TDRD9: variants seen among roughly 807,000 people sequenced by gnomAD.
TDRD9 encodes the protein ATP-dependent RNA helicase TDRD9.
Under a neutral mutation model 172.6 loss-of-function variants are expected in TDRD9, and 124 were observed. The observed-to-expected ratio is 0.72, with a 90% CI of 0.62 to 0.83. The LOEUF (loss-of-function observed/expected upper bound fraction) is 0.83. Ranked by LOEUF, TDRD9 falls within the 40% of genes least tolerant of loss-of-function variation. The pLI is 0.00. For missense variants in TDRD9, 1,479 were observed against 1,714.1 expected (o/e 0.86, Z 2.42); for synonymous variants, 619 against 617.1 (o/e 1.00, Z -0.05).
intron 1 of TDRD9, among the ~76,000 whole-genome samples, chr14:103,929,530 C>A (rs145243984): frequency 6.6e-6 from 1 of 151,882 alleles, no homozygotes; most frequent in Admixed American, 6.6e-5. Context: ...GTTCTCCCCC[C>A]ACCCCCCGAG....
intron 28 of TDRD9, 107 bp downstream of exon 28, chr14:104,027,046 CTTCACCA>C (rs59921205): frequency 0.013 from 16,636 of 1,259,034 alleles, 155 homozygotes; most frequent in Non-Finnish European, 0.015. Flanking sequence ...CAGTGTTCCT[CTTCACCA>C]TTTGGTTTGC....
chr14:104,015,023 T>C (rs2034744027), intron 21 of TDRD9, among the ~76,000 whole-genome samples, 182 bp downstream of exon 21: 1 of 152,250 alleles, frequency 6.6e-6, no homozygotes, highest in Admixed American at 6.5e-5. Flanking sequence ...GTTTGCATTA[T>C]TTGTTGAGTT....
intron 2 of TDRD9, among the ~76,000 whole-genome samples, chr14:103,957,536 T>C: frequency 6.6e-6 from 1 of 152,250 alleles, no homozygotes; most frequent in East Asian, 1.9e-4. Flanking sequence ...GAATTGTTAC[T>C]TAATCTATGG....
intron 1 of TDRD9, among the ~76,000 whole-genome samples, chr14:103,934,803 G>C (rs910346605): frequency 6.6e-6 from 1 of 152,200 alleles, no homozygotes; most frequent in African/African-American, 2.4e-5. Flanking sequence ...ACAGGAGCAG[G>C]GTGGTCAGGG....
rs1173008862 is a variant in TDRD9 at position 103,956,111 on chromosome 14, A to AATATATATATATATATAT, written c.322+363_322+380dup. 9.3e-4 allele frequency among the ~76,000 whole-genome samples: 17 copies of AATATATATATATATATAT among 18,356 alleles called. 1 individual carries two copies. The highest frequency in any genetic ancestry group is 3.8e-3 in the African/African-American group (14 of 3,658). 12.0% of individuals were successfully genotyped at this position (18,356 alleles called of 152,430 possible). ...AAAAAAAAAAAAAAAAAAAAAAAAA[A>AATATATATATATATATAT]ATATATATATATATATATATATATA... On this transcript the variant is annotated intron_variant, in intron 2 of 35. Coordinates refer to ENST00000409874, the MANE Select transcript of TDRD9 (RefSeq NM_153046.3).
intron 14 of TDRD9, 139 bp downstream of exon 14, chr14:104,004,474 G>C (rs1479264245): frequency 4.2e-6 from 2 of 477,252 alleles, no homozygotes; most frequent in Admixed American, 2.7e-5. Flanking sequence ...TGCCTCCCGG[G>C]TTTACGCGAT....
At chr14:104,036,105 T>C (rs1239823345) in intron 32 of TDRD9, among the ~76,000 whole-genome samples, 1 of 152,170 alleles carries the variant, frequency 6.6e-6, no homozygotes, top group East Asian at 1.9e-4. Flanking sequence ...AGTATACTTA[T>C]TTTAAATTTG....
intron 1 of TDRD9, chr14:103,939,741 G>GTGTTTTTTTTTTTTT (rs2031077730): frequency 2.2e-4 from 1 of 4,642 alleles, no homozygotes; most frequent in Non-Finnish European, 9.5e-4. Context: ...TTGAAAAAAA[G>GTGTTTTTTTTTTTTT]TGTTTTTTTT....
At chr14:103,967,370 A>AG (rs2032797570) in intron 5 of TDRD9, among the ~76,000 whole-genome samples, 1 of 149,842 alleles carries the variant, frequency 6.7e-6, no homozygotes, top group Non-Finnish European at 1.5e-5. Flanking sequence ...AAAAAAAAAA[A>AG]AAAGATTAGC....
intron 1 of TDRD9, among the ~76,000 whole-genome samples, chr14:103,935,678 C>G (rs1201536687): frequency 1.3e-5 from 2 of 152,002 alleles, no homozygotes; most frequent in Non-Finnish European, 2.9e-5. Context: ...AAGGGCCCAC[C>G]TGGGGTGCTT....
chr14:104,025,443 G>A (rs951885246), intron 25 of TDRD9, 121 bp from the exon 26 acceptor site: 6 of 724,960 alleles, frequency 8.3e-6, no homozygotes, highest in Admixed American at 2.8e-5. Context: ...CTTATGTTCC[G>A]AGGATTAACG....
chr14:104,011,059 G>C (rs2034598158), intron 20 of TDRD9, among the ~76,000 whole-genome samples: 1 of 152,184 alleles, frequency 6.6e-6, no homozygotes, highest in Non-Finnish European at 1.5e-5. Context: ...CAACAGCTAT[G>C]ACGTGACCAG....
chr14:104,023,272 T>C (rs1216580103), intron 24 of TDRD9, among the ~76,000 whole-genome samples: 2 of 151,888 alleles, frequency 1.3e-5, no homozygotes, highest in Non-Finnish European at 2.9e-5. Context: ...ATGTAATTTT[T>C]AGTTAAATAG....
chr14:104,027,784 C>T (rs28725314), intron 28 of TDRD9, among the ~76,000 whole-genome samples: 50,269 of 152,004 alleles, frequency 0.33, 8,478 homozygotes, highest in Middle Eastern at 0.37. Flanking sequence ...TGCTGCAGAA[C>T]GCAAGAACCT....
intron 12 of TDRD9, among the ~76,000 whole-genome samples, chr14:103,998,127 C>T (rs4906398): frequency 6.6e-6 from 1 of 151,872 alleles, no homozygotes; most frequent in South Asian, 2.1e-4. Context: ...CACTCGGCAG[C>T]TTATCCAGCC....
rs1186595213 is a variant in TDRD9 at position 103,975,397 on chromosome 14, G to C, written c.855G>C (p.Leu285=). Residue 285 remains leucine, a synonymous_variant, in exon 7 of 36, where the codon CTG becomes CTC. Coordinates refer to ENST00000409874, the MANE Select transcript of TDRD9 (RefSeq NM_153046.3). ...TTTCTCTTACTCTGTAGGTGGTCCTGATGTCGGCTACCATCAGCTGTAAAG... is the reference window on the plus strand; with the variant it reads ...TTTCTCTTACTCTGTAGGTGGTCCTCATGTCGGCTACCATCAGCTGTAAAG... ...RTNSRFVKVV[L]MSATISCKEF... 3.1e-6 allele frequency: 5 copies of C among 1,612,976 alleles called. No individual in the cohort carries two copies. The African/African-American group carries it at 5.3e-5, about 17-fold the overall frequency.
intron 1 of TDRD9, among the ~76,000 whole-genome samples, chr14:103,938,052 C>T (rs574113833): frequency 3.9e-5 from 6 of 152,034 alleles, no homozygotes; most frequent in African/African-American, 1.2e-4. Flanking sequence ...AGCCATTGGA[C>T]GTATCTGAGG....
At chr14:104,037,274 G>A (rs561457417) in intron 32 of TDRD9, among the ~76,000 whole-genome samples, 17 of 152,248 alleles carry the variant, frequency 1.1e-4, no homozygotes, top group Admixed American at 7.2e-4. Context: ...CCGCTGCCCC[G>A]CCATGCGCCC....
intron 8 of TDRD9, among the ~76,000 whole-genome samples, chr14:103,987,786 G>T (rs1024144003): frequency 2.0e-5 from 3 of 152,082 alleles, no homozygotes; most frequent in Non-Finnish European, 4.4e-5. Flanking sequence ...ATATTGTTCA[G>T]GTCTTCTACT....
Sources: allele counts gnomAD v4.1 joint callset (sites outside exome capture counted in the v4.1 genomes callset), GRCh38; gene constraint gnomAD v4.1.1; transcripts MANE v1.5; gene names NCBI Gene and HGNC (gene_info 2026-07-23, HGNC 2026-07-21).